Variants in KCNQ5 observed in about 807,000 individuals in gnomAD.
KCNQ5 encodes the protein potassium voltage-gated channel subfamily Q member 5.
In KCNQ5, 30 loss-of-function variants were observed where a neutral mutation model predicts 98.2. The ratio of observed to expected loss-of-function variants is 0.31; its 90% confidence interval spans 0.23 to 0.41. KCNQ5 has a LOEUF of 0.41. KCNQ5 is among the 10% of genes least tolerant of loss of function. The probability of loss-of-function intolerance (pLI) is 1.00; values close to 1 mark genes in which losing one functional copy is unlikely to be tolerated. For missense variants in KCNQ5, 835 were observed against 1,182.5 expected, an observed-to-expected ratio of 0.71 and a Z score of 4.31; for synonymous variants, 458 against 449.4, an observed-to-expected ratio of 1.02 and a Z score of -0.24.
intron 1 of KCNQ5, among the ~76,000 whole-genome samples, chr6:72,661,525 C>G (rs967002795): frequency 1.3e-5 from 2 of 151,978 alleles, no homozygotes; most frequent in Non-Finnish European, 2.9e-5. Context: ...TTTTTTTCCC[C>G]ATAGGAGTAA....
chr6:73,178,147 G>T (rs2150511600), intron 11 of KCNQ5, among the ~76,000 whole-genome samples: 1 of 150,690 alleles, frequency 6.6e-6, no homozygotes, highest in South Asian at 2.1e-4. Context: ...ATTTATGCAA[G>T]ATTTTACACT....
intron 11 of KCNQ5, among the ~76,000 whole-genome samples, chr6:73,174,404 G>T (rs1019947513): frequency 6.6e-6 from 1 of 152,166 alleles, no homozygotes; most frequent in Admixed American, 6.5e-5. Context: ...GAAGAGAAAT[G>T]ACCAAGACGC....
chr6:72,880,176 GTCT>G (rs1778583571), intron 1 of KCNQ5, among the ~76,000 whole-genome samples: 2 of 152,254 alleles, frequency 1.3e-5, no homozygotes, highest in East Asian at 1.9e-4. Flanking sequence ...AAAATATTGT[GTCT>G]TCATCTTTTC....
intron 10 of KCNQ5, among the ~76,000 whole-genome samples, chr6:73,149,096 A>T (rs1379286203): frequency 6.6e-6 from 1 of 152,220 alleles, no homozygotes; most frequent in Non-Finnish European, 1.5e-5. Flanking sequence ...ATGCTTTTCA[A>T]GCTATGGTAG....
chr6:72,833,669 G>T (rs1026737105), intron 1 of KCNQ5, among the ~76,000 whole-genome samples: 1 of 151,786 alleles, frequency 6.6e-6, no homozygotes, highest in African/African-American at 2.4e-5. Context: ...TTCTTTGCTT[G>T]GTTGATTTCT....
chr6:72,718,322 G>A (rs1769757219), intron 1 of KCNQ5, among the ~76,000 whole-genome samples: 1 of 151,770 alleles, frequency 6.6e-6, no homozygotes, highest in Non-Finnish European at 1.5e-5. Flanking sequence ...TGGTCTGCAT[G>A]TTCTGCTTGC....
intron 1 of KCNQ5, among the ~76,000 whole-genome samples, chr6:72,672,113 G>A (rs111400329): frequency 0.064 from 9,625 of 149,844 alleles, 1,052 homozygotes; most frequent in African/African-American, 0.22. Context: ...ACGACGCCTG[G>A]CCTAATTTTT....
chr6:72,879,904 A>G (rs1007650806), intron 1 of KCNQ5, among the ~76,000 whole-genome samples: 2 of 152,138 alleles, frequency 1.3e-5, no homozygotes, highest in African/African-American at 2.4e-5. Flanking sequence ...CCTAAGCTGA[A>G]TATTCTTTTG....
intron 1 of KCNQ5, among the ~76,000 whole-genome samples, chr6:72,914,081 A>G (rs532494500): frequency 6.6e-6 from 1 of 152,292 alleles, no homozygotes; most frequent in South Asian, 2.1e-4. Context: ...GAAAGGTAAG[A>G]GTAACCTTGC....
At chr6:73,004,661 T>C (rs142596670) in intron 2 of KCNQ5, among the ~76,000 whole-genome samples, 2 of 152,354 alleles carry the variant, frequency 1.3e-5, no homozygotes, top group East Asian at 3.9e-4. Flanking sequence ...TCATACTTTC[T>C]ATTACAACTA....
At chr6:73,170,830 A>C (rs779448946) in intron 11 of KCNQ5, among the ~76,000 whole-genome samples, 18 of 152,112 alleles carry the variant, frequency 1.2e-4, no homozygotes, top group Non-Finnish European at 2.5e-4. Flanking sequence ...GATACTTGGG[A>C]GGCTGAGGCA....
chr6:72,838,034 T>C (rs889225533), intron 1 of KCNQ5, among the ~76,000 whole-genome samples: 4 of 151,916 alleles, frequency 2.6e-5, no homozygotes, highest in Admixed American at 1.3e-4. Flanking sequence ...ACATGTGTCA[T>C]GTTGGTGTGC....
chr6:72,739,546 C>G (rs1053546888), intron 1 of KCNQ5, among the ~76,000 whole-genome samples: 1 of 152,198 alleles, frequency 6.6e-6, no homozygotes, highest in Admixed American at 6.5e-5. Flanking sequence ...AACTCTGAGC[C>G]TTTGCCGCCT....
At chr6:72,956,767 T>C (rs547469595) in intron 1 of KCNQ5, among the ~76,000 whole-genome samples, 11 of 152,060 alleles carry the variant, frequency 7.2e-5, no homozygotes, top group Admixed American at 6.6e-4. Context: ...AGATTAAAAC[T>C]GAGATACTCT....
At chr6:72,848,932 G>A (rs554410112) in intron 1 of KCNQ5, among the ~76,000 whole-genome samples, 11 of 152,202 alleles carry the variant, frequency 7.2e-5, no homozygotes, top group African/African-American at 2.6e-4. Context: ...AGTCAAATAA[G>A]CCCGCTTCCT....
In KCNQ5 at chr6:73,042,104, A is replaced by G. The variant is rs556857833; in HGVS notation, c.616+42A>G. On this transcript the variant is annotated intron_variant, in intron 3 of 13. Transcript: ENST00000370398. ...CAGATACCTGGACTATGACACCAAC[A>G]TTCTTGTCTTCTATCTCCTGTTTTG... is the stretch of plus-strand genomic sequence containing the variant. 6 of 1,610,010 alleles carry G rather than the reference A, an allele frequency of 3.7e-6. No individual in the cohort carries two copies. The African/African-American group carries it at 5.3e-5, about 14-fold the overall frequency.
At chr6:73,125,422 G>A (rs1775937781) in intron 9 of KCNQ5, 1 of 518,366 alleles carries the variant, frequency 1.9e-6, no homozygotes, top group Non-Finnish European at 3.9e-6. Flanking sequence ...AACCAGCAAG[G>A]AGAATCCCAG....
intron 1 of KCNQ5, among the ~76,000 whole-genome samples, chr6:72,853,810 AATAGCCCAAGTCTTT>A (rs1309818717): frequency 6.6e-6 from 1 of 152,296 alleles, no homozygotes; most frequent in Non-Finnish European, 1.5e-5. Flanking sequence ...CCTTTCCAAC[AATAGCCCAAGTCTTT>A]ACAGTTCCAT....
chr6:73,100,256 A>T (rs899555425), intron 5 of KCNQ5, among the ~76,000 whole-genome samples: 13 of 152,240 alleles, frequency 8.5e-5, no homozygotes, highest in African/African-American at 3.1e-4. Context: ...AAAAACTTCA[A>T]ATAAACAACC....
Sources: allele counts gnomAD v4.1 joint callset (sites outside exome capture counted in the v4.1 genomes callset), GRCh38; gene constraint gnomAD v4.1.1; transcripts MANE v1.5; gene names NCBI Gene and HGNC (gene_info 2026-07-23, HGNC 2026-07-21).